Variants in FAM110B observed in about 807,000 individuals in gnomAD.
FAM110B encodes protein FAM110B.
Under a neutral mutation model 20.4 loss-of-function variants are expected in FAM110B, and 6 were observed. That is an observed-to-expected ratio of 0.29 (90% confidence interval 0.16 to 0.58). The LOEUF is 0.58. Ranked by LOEUF, FAM110B falls within the 20% of genes least tolerant of loss-of-function variation. The pLI is 0.90. For missense variants in FAM110B, 434 were observed against 498.2 expected (o/e 0.87, Z 1.23); for synonymous variants, 226 against 214.1 (o/e 1.06, Z -0.49).
chr8:58,144,169 T>A (rs77132585), intron 3 of FAM110B, among the ~76,000 whole-genome samples: 1,623 of 152,254 alleles, frequency 0.011, 23 homozygotes, highest in African/African-American at 0.035. Context: ...TGCCCCTCAC[T>A]GTGCCCCCAA....
At chr8:58,080,233 G>A (rs1179100431) in intron 3 of FAM110B, among the ~76,000 whole-genome samples, 2 of 152,204 alleles carry the variant, frequency 1.3e-5, no homozygotes, top group African/African-American at 2.4e-5. Context: ...GGTCATACAT[G>A]CAACAGGAAA....
rs139242909 is a variant in FAM110B, at chr8:58,050,947, C to A, written c.-414+19244C>A. 1.2e-4 allele frequency among the ~76,000 whole-genome samples: 19 copies of A among 152,304 alleles called. No individual in the cohort carries two copies. The East Asian group carries it at 2.9e-3, about 23-fold the overall frequency. On this transcript the variant is annotated intron_variant, in intron 2 of 3. Transcript: ENST00000519262. ...ATTCACCCCAGCGTTTATACTGCTTCTACTTTGAGATGCTGAAGACCGTGC... is the reference window on the plus strand; with the variant it reads ...ATTCACCCCAGCGTTTATACTGCTTATACTTTGAGATGCTGAAGACCGTGC...
At position 58,112,630 on chromosome 8, in the gene FAM110B, C is replaced by G. The variant is rs1035126387; in HGVS notation, c.-324-33277C>G. Among the ~76,000 whole-genome samples the G allele has an allele frequency of 3.3e-5, 5 of 152,326 alleles. No individual in the cohort carries two copies. The South Asian group carries it at 1.0e-3, about 32-fold the overall frequency. On this transcript the variant is annotated intron_variant, in intron 3 of 3. Transcript: ENST00000519262. Reference sequence around the variant, plus strand: ...CCCTGGGCTCTCCTGGGGTTTGTCACCCCACTTTGTTGGAATATAGCTTGG... The same window carrying G: ...CCCTGGGCTCTCCTGGGGTTTGTCAGCCCACTTTGTTGGAATATAGCTTGG...
chr8:58,092,547 C>T (rs1324076493), intron 3 of FAM110B, among the ~76,000 whole-genome samples: 2 of 152,162 alleles, frequency 1.3e-5, no homozygotes, highest in Admixed American at 1.3e-4. Flanking sequence ...TTTCTAGCTT[C>T]GTCCATGTCC....
intron 3 of FAM110B, among the ~76,000 whole-genome samples, chr8:58,076,545 A>G (rs933286957): frequency 6.6e-6 from 1 of 152,186 alleles, no homozygotes; most frequent in Non-Finnish European, 1.5e-5. Flanking sequence ...GAGCCTGGGA[A>G]CATTTTTTCC....
chr8:58,071,215 G>A (rs1805889973), intron 2 of FAM110B, among the ~76,000 whole-genome samples: 1 of 152,136 alleles, frequency 6.6e-6, no homozygotes, highest in African/African-American at 2.4e-5. Flanking sequence ...CAAGGCTGAG[G>A]TTCAAATATC....
In FAM110B at chr8:58,147,458, A is replaced by G. The variant is rs1002773640; in HGVS notation, c.*115A>G. ...CACTCTTTGTGTTGCTTGTTGTGCAATGTTTTCAAGTTGCATGCTTGTCAA... is the reference window on the plus strand; with the variant it reads ...CACTCTTTGTGTTGCTTGTTGTGCAGTGTTTTCAAGTTGCATGCTTGTCAA... On this transcript the variant is annotated 3_prime_UTR_variant, in exon 4 of 4. Coordinates refer to ENST00000519262, the MANE Select transcript of FAM110B (RefSeq NM_001377989.1). 40 of 1,313,310 alleles carry G rather than the reference A, an allele frequency of 3.0e-5. No homozygotes were observed. Among genetic ancestry groups the G allele is most frequent in the Admixed American group, 5.0e-5 (2 of 40,384 alleles). The allele number at this position is 1,313,310 out of a possible 1,614,324, so 81.4% of individuals were successfully genotyped here. A position where few individuals can be genotyped will look rare whatever the true frequency, so the allele number is the denominator to read the frequency against.
chr8:58,135,037 G>A (rs544073218), intron 3 of FAM110B, among the ~76,000 whole-genome samples: 2 of 152,200 alleles, frequency 1.3e-5, no homozygotes, highest in East Asian at 1.9e-4. Context: ...AATACATTTG[G>A]TGCTTCATAC....
intron 3 of FAM110B, among the ~76,000 whole-genome samples, chr8:58,103,105 C>G (rs1015228462): frequency 6.6e-6 from 1 of 150,602 alleles, no homozygotes; most frequent in African/African-American, 2.4e-5. Flanking sequence ...TAAGGGGGTA[C>G]AGGAAGGTTT....
At chr8:58,009,967 G>A (rs892477400) in intron 1 of FAM110B, among the ~76,000 whole-genome samples, 47 of 152,182 alleles carry the variant, frequency 3.1e-4, no homozygotes, top group Middle Eastern at 3.4e-3. Context: ...TCAGGTCGAA[G>A]GCATTTTAGA....
chr8:58,105,255 G>A (rs1184388501), intron 3 of FAM110B, among the ~76,000 whole-genome samples: 2 of 152,152 alleles, frequency 1.3e-5, no homozygotes, highest in Non-Finnish European at 2.9e-5. Context: ...CAATATCAGG[G>A]TGCACTTGGC....
At chr8:58,033,363 T>C (rs888113383) in intron 2 of FAM110B, among the ~76,000 whole-genome samples, 2 of 152,192 alleles carry the variant, frequency 1.3e-5, no homozygotes, top group Non-Finnish European at 2.9e-5. Context: ...AGTGAACATA[T>C]AAATTCATGT....
chr8:58,084,891 G>A (rs1806295385), intron 3 of FAM110B, among the ~76,000 whole-genome samples: 1 of 152,090 alleles, frequency 6.6e-6, no homozygotes, highest in African/African-American at 2.4e-5. Flanking sequence ...TCCCCACCGA[G>A]TGGCATTGGT....
intron 1 of FAM110B, among the ~76,000 whole-genome samples, chr8:58,019,742 G>A (rs1804712921): frequency 1.3e-5 from 2 of 152,020 alleles, no homozygotes; most frequent in Admixed American, 1.3e-4. Flanking sequence ...TGTATATAGT[G>A]TCTTTTTTGT....
chr8:58,092,810 A>G (rs1806515381), intron 3 of FAM110B, among the ~76,000 whole-genome samples: 1 of 152,238 alleles, frequency 6.6e-6, no homozygotes, highest in South Asian at 2.1e-4. Flanking sequence ...TAGATCCTTA[A>G]GGAATCGCCA....
Position 58,146,224 on chromosome 8 carries a change from G to A in FAM110B, c.-7G>A, listed in dbSNP as rs768419347. 5.7e-6 allele frequency: 9 copies of A among 1,583,694 alleles called. No homozygotes were observed. Among genetic ancestry groups the A allele is most frequent in the East Asian group, 2.3e-5 (1 of 44,374 alleles). ...CCAACACGGCTGCCGGGGAAAGACCGCCCACCATGCCCACGGAGACCCTAC... is the reference window on the plus strand; with the variant it reads ...CCAACACGGCTGCCGGGGAAAGACCACCCACCATGCCCACGGAGACCCTAC... On this transcript the variant is annotated 5_prime_UTR_variant, in exon 4 of 4. Coordinates refer to ENST00000519262, the MANE Select transcript of FAM110B (RefSeq NM_001377989.1).
At chr8:58,089,586 C>A (rs1650755587) in intron 3 of FAM110B, among the ~76,000 whole-genome samples, 1 of 152,084 alleles carries the variant, frequency 6.6e-6, no homozygotes, top group South Asian at 2.1e-4. Flanking sequence ...AAATTAGCAT[C>A]AAAATAATTA....
At chr8:58,010,413 A>T (rs1029426874) in intron 1 of FAM110B, among the ~76,000 whole-genome samples, 3 of 152,094 alleles carry the variant, frequency 2.0e-5, no homozygotes, top group Non-Finnish European at 4.4e-5. Context: ...AATGTGAGGG[A>T]ACATACACTA....
intron 3 of FAM110B, among the ~76,000 whole-genome samples, chr8:58,083,223 C>T (rs75265874): frequency 6.6e-6 from 1 of 151,978 alleles, no homozygotes; most frequent in Non-Finnish European, 1.5e-5. Context: ...AGGGGAGACA[C>T]AGTCTATTGC....
Sources: gnomAD v4.1 joint callset for allele counts (sites outside exome capture counted in the v4.1 genomes callset) on GRCh38, gnomAD v4.1.1 for gene constraint, MANE v1.5 for transcripts, NCBI Gene and HGNC (gene_info 2026-07-23, HGNC 2026-07-21) for gene names.